The following ADAM7 variants were observed in gnomAD, a reference collection of about 807,000 sequenced individuals.
The protein encoded by ADAM7 is ADAM metallopeptidase domain 7.
A neutral mutation model predicts 102.9 loss-of-function variants in ADAM7; 97 were observed. The ratio of observed to expected loss-of-function variants is 0.94; its 90% CI spans 0.80 to 1.12. The LOEUF (loss-of-function observed/expected upper bound fraction) is 1.12. Among genes scored for constraint, ADAM7 ranks in the 50% most tolerant of loss-of-function variants. ADAM7 has a pLI of 0.00. For synonymous variants in ADAM7, 334 were observed against 304.4 expected (o/e 1.10, Z -1.01); for missense variants, 991 against 908.7 (o/e 1.09, Z -1.16).
chr8:24,503,577 G>A (rs4871917), intron 20 of ADAM7, among the ~76,000 whole-genome samples: 109,782 of 152,010 alleles, frequency 0.72, 40,420 homozygotes, highest in African/African-American at 0.81. Flanking sequence ...ACATGCACAC[G>A]TACGTTTACC....
chr8:24,442,226 G>A (rs1818400118), intron 1 of ADAM7, among the ~76,000 whole-genome samples: 1 of 151,966 alleles, frequency 6.6e-6, no homozygotes, highest in African/African-American at 2.4e-5. Flanking sequence ...AGAACATGGC[G>A]AAAATATGGA....
At chr8:24,449,352 G>T (rs1214442834) in intron 3 of ADAM7, among the ~76,000 whole-genome samples, 1 of 152,192 alleles carries the variant, frequency 6.6e-6, no homozygotes, top group African/African-American at 2.4e-5. Flanking sequence ...ATTCTAACTG[G>T]TGTGAGATGA....
intron 2 of ADAM7, among the ~76,000 whole-genome samples, chr8:24,445,745 C>T (rs1818534582): frequency 6.6e-6 from 1 of 152,144 alleles, no homozygotes; most frequent in Admixed American, 6.5e-5. Flanking sequence ...AGGCCCAAAT[C>T]TTTGACTTAC....
At chr8:24,461,203 A>G (rs1819229910) in intron 3 of ADAM7, among the ~76,000 whole-genome samples, 1 of 152,086 alleles carries the variant, frequency 6.6e-6, no homozygotes, top group Non-Finnish European at 1.5e-5. Context: ...CATGTTAGCC[A>G]GGATGGTCTC....
At chr8:24,461,807 G>C (rs969483599) in intron 3 of ADAM7, among the ~76,000 whole-genome samples, 11 of 151,796 alleles carry the variant, frequency 7.2e-5, no homozygotes, top group Non-Finnish European at 1.3e-4. Context: ...GTAGTTTTTA[G>C]CTATAACATT....
At chr8:24,503,792 C>G (rs920545130) in intron 20 of ADAM7, among the ~76,000 whole-genome samples, 2 of 151,920 alleles carry the variant, frequency 1.3e-5, no homozygotes, top group Non-Finnish European at 2.9e-5. Context: ...AACCAAACAC[C>G]GCATGTTCTC....
At chr8:24,506,030 G>A in intron 20 of ADAM7, 1 of 1,210,900 alleles carries the variant, frequency 8.3e-7, no homozygotes, top group Non-Finnish European at 1.2e-6. Context: ...ATTATGTCTG[G>A]GTCTTTCAGT....
chr8:24,470,697 A>G (rs1819575718), intron 7 of ADAM7, among the ~76,000 whole-genome samples: 1 of 152,162 alleles, frequency 6.6e-6, no homozygotes, highest in African/African-American at 2.4e-5. Context: ...GTCTGTGGTG[A>G]TGCTGGTGTA....
At chr8:24,487,598 G>A (rs1820187126) in intron 11 of ADAM7, among the ~76,000 whole-genome samples, 1 of 149,312 alleles carries the variant, frequency 6.7e-6, no homozygotes, top group Non-Finnish European at 1.5e-5. Context: ...TCATGCCACT[G>A]CACTCTAGCC....
intron 17 of ADAM7, among the ~76,000 whole-genome samples, chr8:24,499,822 A>ACATAT (rs1820690002): frequency 7.4e-6 from 1 of 135,528 alleles, no homozygotes; most frequent in African/African-American, 2.7e-5. Context: ...ACACACACAC[A>ACATAT]CACACATCAC....
intron 3 of ADAM7, 71 bp downstream of exon 3, chr8:24,447,333 G>T (rs1211749314): frequency 6.3e-6 from 5 of 795,868 alleles, no homozygotes; most frequent in Non-Finnish European, 7.5e-6. Context: ...CGTAAAAACT[G>T]CCAGTGAAGA....
In ADAM7 at chr8:24,443,301, A is replaced by G. The variant is rs1230057073; in HGVS notation, c.156+725A>G. Among the ~76,000 whole-genome samples the G allele has an allele frequency of 6.6e-5, 10 of 152,290 alleles. No individual in the cohort carries two copies. The East Asian group carries it at 1.9e-3, about 29-fold the overall frequency. ...ATGAATTTCTTCTGTCCACCATTAG[A>G]GCAGCCAGTTTTTCAAGTTCTCACT... On this transcript the variant is annotated intron_variant, in intron 2 of 21. Transcript: ENST00000175238.
chr8:24,480,225 A>G (rs565471026), intron 8 of ADAM7, among the ~76,000 whole-genome samples: 2 of 152,196 alleles, frequency 1.3e-5, no homozygotes, highest in Non-Finnish European at 2.9e-5. Context: ...GCATACATAC[A>G]AAATTGTTGC....
intron 21 of ADAM7, 41 bp from the exon 22 acceptor site, chr8:24,508,505 C>A (rs769138245): frequency 1.9e-6 from 3 of 1,592,366 alleles, no homozygotes; most frequent in Non-Finnish European, 1.7e-6. Flanking sequence ...TCACAGATTT[C>A]ATAGGAAACA....
In ADAM7 at chr8:24,505,959, G is replaced by T. The variant is rs369559241; in HGVS notation, c.2209-1521G>T. 1.7e-4 allele frequency: 112 copies of T among 661,298 alleles called. No homozygotes were observed. The African/African-American group carries it at 1.7e-3, about 10-fold the overall frequency. The allele number at this position is 661,298 out of a possible 1,614,324, so 41.0% of individuals were successfully genotyped here. A position where few individuals can be genotyped will look rare whatever the true frequency, so the allele number is the denominator to read the frequency against. On this transcript the variant is annotated intron_variant, in intron 20 of 21. Transcript: ENST00000175238. ...TCCCACTCTTCTCATATGTAAATTTGTCTTATAGACAGGCCCTGAGATAGA... is the reference window on the plus strand; with the variant it reads ...TCCCACTCTTCTCATATGTAAATTTTTCTTATAGACAGGCCCTGAGATAGA...
chr8:24,489,424 G>T lies in ADAM7; in HGVS notation c.1266+91G>T, dbSNP rs1331708607. 3 of 1,242,986 alleles carry T rather than the reference G, an allele frequency of 2.4e-6. No individual in the cohort carries two copies. In the African/African-American group the frequency reaches 4.6e-5, roughly 19 times the overall value. 77.0% of individuals were successfully genotyped at this position (1,242,986 alleles called of 1,614,324 possible). A position where few individuals can be genotyped will look rare whatever the true frequency, so the allele number is the denominator to read the frequency against. On this transcript the variant is annotated intron_variant, in intron 12 of 21. Coordinates refer to ENST00000175238, the MANE Select transcript of ADAM7 (RefSeq NM_003817.4). ...GTGGCCATTAATCAAACCAACCGTG[G>T]TGTTCCTTGTAAAACTTTTAAAAAT... is the stretch of plus-strand genomic sequence containing the variant.
chr8:24,443,886 A>T (rs189313636), intron 2 of ADAM7, among the ~76,000 whole-genome samples: 385 of 152,186 alleles, frequency 2.5e-3, no homozygotes, highest in African/African-American at 8.9e-3. Context: ...GTGAGCCAAG[A>T]TCATGCCACT....
intron 7 of ADAM7, 144 bp downstream of exon 7, chr8:24,468,964 A>G (rs2129383316): frequency 2.9e-6 from 2 of 692,462 alleles, no homozygotes; most frequent in Non-Finnish European, 2.3e-6. Flanking sequence ...ACAGACATAC[A>G]TAAGAGATTA....
intron 3 of ADAM7, among the ~76,000 whole-genome samples, chr8:24,458,830 G>C (rs914204327): frequency 2.6e-5 from 4 of 151,830 alleles, no homozygotes; most frequent in Non-Finnish European, 4.4e-5. Context: ...AAAGTTTTTT[G>C]CAAGTATTCT....
Sources: gnomAD v4.1 joint callset for allele counts (sites outside exome capture counted in the v4.1 genomes callset) on GRCh38, gnomAD v4.1.1 for gene constraint, MANE v1.5 for transcripts, NCBI Gene and HGNC (gene_info 2026-07-23, HGNC 2026-07-21) for gene names.